IMMP2L: variants seen among roughly 807,000 people sequenced by gnomAD.
The protein encoded by IMMP2L is mitochondrial inner membrane protease subunit 2.
Under a neutral mutation model 19.3 loss-of-function variants are expected in IMMP2L, and 18 were observed. That is an observed-to-expected ratio of 0.93 (90% CI 0.64 to 1.38). The LOEUF (loss-of-function observed/expected upper bound fraction) is 1.38, where lower values mean the gene tolerates loss of function less well. Ranked by LOEUF, IMMP2L falls within the 40% of genes most tolerant of loss-of-function variation. The probability of loss-of-function intolerance (pLI) is 0.00; values close to 1 mark genes in which losing one functional copy is unlikely to be tolerated. For synonymous variants in IMMP2L, 76 were observed against 73.0 expected (o/e 1.04, Z -0.21); for missense variants, 233 against 218.2 (o/e 1.07, Z -0.43).
chr7:110,975,923 G>C (rs1049108580), intron 3 of IMMP2L, among the ~76,000 whole-genome samples: 7 of 151,974 alleles, frequency 4.6e-5, no homozygotes. Flanking sequence ...TCAAATATTG[G>C]AACATTAAAC....
At chr7:110,974,872 G>A (rs1304269124) in intron 3 of IMMP2L, among the ~76,000 whole-genome samples, 1 of 152,050 alleles carries the variant, frequency 6.6e-6, no homozygotes, top group Non-Finnish European at 1.5e-5. Context: ...ATTATTTACT[G>A]CTATCTTGTT....
chr7:111,506,611 G>A (rs368603090), intron 2 of IMMP2L, among the ~76,000 whole-genome samples: 2 of 152,048 alleles, frequency 1.3e-5, no homozygotes, highest in South Asian at 2.1e-4. Flanking sequence ...TGGCCAGGAT[G>A]GTCTCAATCT....
At chr7:111,313,790 T>C (rs1057412576) in intron 3 of IMMP2L, among the ~76,000 whole-genome samples, 4 of 152,098 alleles carry the variant, frequency 2.6e-5, no homozygotes, top group East Asian at 1.9e-4. Context: ...AGAAGGGTCA[T>C]AGATGGTGTA....
chr7:110,791,547 C>T (rs1800460144), intron 5 of IMMP2L, among the ~76,000 whole-genome samples: 1 of 151,614 alleles, frequency 6.6e-6, no homozygotes, highest in Non-Finnish European at 1.5e-5. Context: ...TTGAGATTTT[C>T]AGGGACCAGT....
At chr7:111,231,792 T>C (rs1813744656) in intron 3 of IMMP2L, among the ~76,000 whole-genome samples, 1 of 151,992 alleles carries the variant, frequency 6.6e-6, no homozygotes, top group South Asian at 2.1e-4. Context: ...CATAAAAAAC[T>C]CTATAAGTGT....
At chr7:111,388,684 G>T (rs1832033370) in intron 3 of IMMP2L, among the ~76,000 whole-genome samples, 1 of 151,982 alleles carries the variant, frequency 6.6e-6, no homozygotes, top group African/African-American at 2.4e-5. Flanking sequence ...GAAAAATGAG[G>T]AGGAAGCAAA....
intron 3 of IMMP2L, 46 bp downstream of exon 3, chr7:111,487,192 A>G: frequency 1.2e-6 from 1 of 853,202 alleles, no homozygotes; most frequent in Non-Finnish European, 2.0e-6. Flanking sequence ...CAGCATAAGT[A>G]TAAATAATTT....
At position 111,469,601 on chromosome 7, in the gene IMMP2L, C is replaced by T. The variant is rs1370296278; in HGVS notation, c.239+17637G>A. Among the ~76,000 whole-genome samples, 4 of 152,100 alleles carry T rather than the reference C, an allele frequency of 2.6e-5. 1 individual carries two copies. The highest frequency in any genetic ancestry group is 9.6e-5 in the African/African-American group (4 of 41,516). On this transcript the variant is annotated intron_variant, in intron 3 of 5. Transcript: ENST00000405709. ...TACAACTATCTGATCTTTGACAAAC[C>T]TGACAAAAACAAGCAACGGGGAAAG...
chr7:110,820,228 T>G (rs1802902585), intron 5 of IMMP2L, among the ~76,000 whole-genome samples: 1 of 152,082 alleles, frequency 6.6e-6, no homozygotes, highest in South Asian at 2.1e-4. Context: ...TGAAATGCTC[T>G]GGGCTTTGCA....
chr7:110,924,735 C>T lies in IMMP2L; in HGVS notation c.306-38040G>A, dbSNP rs1489191593. 6.6e-6 allele frequency among the ~76,000 whole-genome samples: 1 copy of T among 152,076 alleles called. No homozygotes were observed. The highest frequency in any genetic ancestry group is 1.5e-5 in the Non-Finnish European group (1 of 68,012). On this transcript the variant is annotated intron_variant, in intron 4 of 5. Transcript: ENST00000405709. This position sits in a 1 kb window ranked among gnomAD's most constrained non-coding sequence, Gnocchi z 4.2. ...TCTTCTTTCAGTGCTTTGGAAGGTA[C>T]AGGAACAGCATTTCCCACCTTTTAT...
rs183143638 is a variant in IMMP2L, at chr7:111,393,255, C to G, written c.239+93983G>C. On this transcript the variant is annotated intron_variant, in intron 3 of 5. Coordinates refer to ENST00000405709, the MANE Select transcript of IMMP2L (RefSeq NM_032549.4). The stretch of plus-strand genomic sequence containing the variant: ...GATTTCTGAAGCTCTCTGCTGGGAA[C>G]TGGAAACAAAAAAAGAAATATCTTT... Among the ~76,000 whole-genome samples the G allele has an allele frequency of 6.6e-5, 10 of 152,052 alleles. No individual in the cohort carries two copies. The East Asian group carries it at 1.2e-3, about 18-fold the overall frequency.
intron 3 of IMMP2L, among the ~76,000 whole-genome samples, chr7:111,262,619 A>G (rs545750106): frequency 6.6e-6 from 1 of 152,126 alleles, no homozygotes; most frequent in Non-Finnish European, 1.5e-5. Flanking sequence ...GTCCCTAGCT[A>G]ATGATTCCTA....
intron 2 of IMMP2L, among the ~76,000 whole-genome samples, chr7:111,518,262 C>T (rs1846039581): frequency 6.6e-6 from 1 of 151,990 alleles, no homozygotes; most frequent in Non-Finnish European, 1.5e-5. Context: ...TTTTGAAAGA[C>T]CGAAAAACAA....
At chr7:111,281,152 A>AAGAC (rs1431844302) in intron 3 of IMMP2L, among the ~76,000 whole-genome samples, 1 of 44,062 alleles carries the variant, frequency 2.3e-5, no homozygotes, top group African/African-American at 8.6e-5. Context: ...GAAAGACAGA[A>AAGAC]AGACAGAAAG....
rs948522211 is a variant in IMMP2L at position 110,760,605 on chromosome 7, C to T, written c.409-96884G>A. On this transcript the variant is annotated intron_variant, in intron 5 of 5. Transcript: ENST00000405709. The surrounding 1 kb of genome is among the most constrained non-coding windows in gnomAD (Gnocchi z 4.2). ...ATGAAGTTCCTAGAAGATACCAATC[C>T]ATATTGAAAGGGAGCAACGTGTTGG... Among the ~76,000 whole-genome samples, 5 of 152,106 alleles carry T rather than the reference C, an allele frequency of 3.3e-5. No homozygotes were observed. The highest frequency in any genetic ancestry group is 1.2e-4 in the African/African-American group (5 of 41,436).
At position 111,268,713 on chromosome 7, in the gene IMMP2L, C is replaced by G. The variant is rs183357807; in HGVS notation, c.239+218525G>C. ...GCTCAAACAATCCTCCTCCCACCAG[C>G]CTTTCCAATAGCTGGGACCACAGGC... is the stretch of plus-strand genomic sequence containing the variant. On this transcript the variant is annotated intron_variant, in intron 3 of 5. Transcript: ENST00000405709. Among the ~76,000 whole-genome samples the G allele has an allele frequency of 3.3e-4, 50 of 150,330 alleles. 1 individual carries two copies. The highest frequency in any genetic ancestry group is 3.1e-3 in the Admixed American group (47 of 15,044).
At chr7:111,433,900 T>C (rs948947903) in intron 3 of IMMP2L, among the ~76,000 whole-genome samples, 3 of 151,902 alleles carry the variant, frequency 2.0e-5, no homozygotes, top group East Asian at 1.9e-4. Context: ...ACACAATCCC[T>C]ATTAAATTAC....
At chr7:110,920,105 T>A (rs1814096150) in intron 4 of IMMP2L, among the ~76,000 whole-genome samples, 1 of 152,168 alleles carries the variant, frequency 6.6e-6, no homozygotes, top group African/African-American at 2.4e-5. Context: ...AAGGCTGCAC[T>A]GTTGGCTTCC....
intron 3 of IMMP2L, among the ~76,000 whole-genome samples, chr7:111,393,744 T>A (rs993082259): frequency 6.6e-6 from 1 of 152,196 alleles, no homozygotes; most frequent in Admixed American, 6.5e-5. Context: ...ATCTAATGTA[T>A]AAAACTAGCA....
Sources: allele counts gnomAD v4.1 joint callset (sites outside exome capture counted in the v4.1 genomes callset), GRCh38; gene constraint gnomAD v4.1.1; non-coding constraint Gnocchi (gnomAD v3.1); transcripts MANE v1.5; gene names NCBI Gene and HGNC (gene_info 2026-07-23, HGNC 2026-07-21).